Variants in PPP4R2 observed in about 807,000 individuals in gnomAD.
PPP4R2 encodes the protein protein phosphatase 4 regulatory subunit 2.
Under a neutral mutation model 47.2 loss-of-function variants are expected in PPP4R2, and 13 were observed. The observed-to-expected ratio is 0.28, with a 90% CI of 0.18 to 0.44. PPP4R2 has a LOEUF of 0.44. PPP4R2 is among the 20% of genes least tolerant of loss of function. The pLI, the probability that PPP4R2 is intolerant of heterozygous loss-of-function variation, is 1.00. For missense variants in PPP4R2, 421 were observed against 491.2 expected, an observed-to-expected ratio of 0.86 and a Z score of 1.35; for synonymous variants, 151 against 163.3, an observed-to-expected ratio of 0.92 and a Z score of 0.57.
chr3:73,028,558 A>T (rs1267137401), intron 2 of PPP4R2, among the ~76,000 whole-genome samples: 1 of 151,972 alleles, frequency 6.6e-6, no homozygotes, highest in Non-Finnish European at 1.5e-5. Flanking sequence ...CCCCTGCCTC[A>T]GCCTCCCGAG....
chr3:73,013,397 T>C (rs931532152), intron 2 of PPP4R2, among the ~76,000 whole-genome samples: 1 of 152,216 alleles, frequency 6.6e-6, no homozygotes, highest in African/African-American at 2.4e-5. Context: ...ATTAGGTAAT[T>C]CTTGTGCCTA....
At position 73,068,176 on chromosome 3, in the gene PPP4R2, T is replaced by A. The variant is rs905372547; in HGVS notation, c.*2454T>A. 1 of 152,114 alleles carries A rather than the reference T, an allele frequency of 6.6e-6. No individual in the cohort carries two copies. The highest frequency in any genetic ancestry group is 1.5e-5 in the Non-Finnish European group (1 of 68,008). The allele number at this position is 152,114 out of a possible 1,614,324, so 9.4% of individuals were successfully genotyped here. On this transcript the variant is annotated 3_prime_UTR_variant, in exon 9 of 9. Coordinates refer to ENST00000356692, the MANE Select transcript of PPP4R2 (RefSeq NM_174907.4). ...CAGTTCTAATAGTAACTGATTCACT[T>A]CTGAACAGAAGTGATTTTAGGCATA...
At chr3:73,063,885 G>C (rs1702926971) in intron 6 of PPP4R2, 118 bp from the exon 7 acceptor site, 2 of 1,145,946 alleles carry the variant, frequency 1.7e-6, no homozygotes, top group Non-Finnish European at 2.5e-6. Flanking sequence ...ATTTGGTAAG[G>C]CATGGGCCTG....
intron 2 of PPP4R2, among the ~76,000 whole-genome samples, chr3:73,033,079 C>G (rs1287184040): frequency 5.9e-5 from 9 of 152,080 alleles, no homozygotes. Context: ...GTTGGAGTCT[C>G]AGTATTCTAG....
chr3:73,057,717 A>C (rs549067676), intron 3 of PPP4R2, among the ~76,000 whole-genome samples: 30 of 152,132 alleles, frequency 2.0e-4, no homozygotes, highest in Non-Finnish European at 2.9e-4. Context: ...ATGAGAACCA[A>C]ATGTAGTTTA....
chr3:73,027,605 T>G (rs1419932872), intron 2 of PPP4R2, among the ~76,000 whole-genome samples: 1 of 152,108 alleles, frequency 6.6e-6, no homozygotes, highest in African/African-American at 2.4e-5. Flanking sequence ...TGCCTACTAT[T>G]TGCCAGACTT....
chr3:73,050,040 A>G (rs1047457366), intron 3 of PPP4R2, among the ~76,000 whole-genome samples: 1 of 152,092 alleles, frequency 6.6e-6, no homozygotes, highest in Non-Finnish European at 1.5e-5. Flanking sequence ...TCCCAAGTTC[A>G]AGCTATTCTC....
At chr3:73,022,899 C>T (rs1701988509) in intron 2 of PPP4R2, among the ~76,000 whole-genome samples, 3 of 151,720 alleles carry the variant, frequency 2.0e-5, no homozygotes, top group Admixed American at 2.0e-4. Flanking sequence ...GAGACATTCA[C>T]TCTTGAAGGA....
rs969341064 is a variant in PPP4R2, at chr3:73,064,063, A to G, written c.555A>G (p.Ser185=). 2 of 1,613,468 alleles carry G rather than the reference A, an allele frequency of 1.2e-6. No individual in the cohort carries two copies. The highest frequency in any genetic ancestry group is 1.7e-6 in the Non-Finnish European group (2 of 1,179,752). ...TTAATCGACCAAAGGTTTCTTTGTC[A>G]GCCCCCATGACAACAAATGGGTTGC... ...RPLNRPKVSL[S]APMTTNGLPE... The change falls in exon 7 of 9, where the codon TCA becomes TCG. Residue 185 remains serine (S), a synonymous_variant. Transcript: ENST00000356692.
chr3:73,062,921 A>G, intron 5 of PPP4R2: 1 of 1,591,840 alleles, frequency 6.3e-7, no homozygotes, highest in East Asian at 2.2e-5. Flanking sequence ...AGCACAGATG[A>G]CAACCTATTA....
chr3:73,038,081 T>C (rs994551897), intron 2 of PPP4R2, among the ~76,000 whole-genome samples: 3 of 152,120 alleles, frequency 2.0e-5, no homozygotes, highest in Non-Finnish European at 4.4e-5. Context: ...GGTGAAGGGA[T>C]AGATCAGTCC....
chr3:73,007,122 C>T (rs1701625218), intron 2 of PPP4R2, among the ~76,000 whole-genome samples: 1 of 152,238 alleles, frequency 6.6e-6, no homozygotes. Context: ...TGTTAAGTCA[C>T]TTCCCTCATT....
intron 2 of PPP4R2, among the ~76,000 whole-genome samples, chr3:73,033,278 T>C (rs922648041): frequency 5.3e-5 from 8 of 152,340 alleles, no homozygotes; most frequent in Non-Finnish European, 1.2e-4. Context: ...ATTTTTTCAT[T>C]GCTTTCTTTG....
rs527825799 is a variant in PPP4R2 at position 73,045,948 on chromosome 3, C to T, written c.117-1238C>T. Among the ~76,000 whole-genome samples the T allele has an allele frequency of 4.9e-4, 75 of 152,260 alleles. 1 individual carries two copies. The South Asian group carries it at 0.015, about 31-fold the overall frequency. Reference sequence around the variant, plus strand: ...AATCTCATACCTCTTTGATATGCAGCATAATTTTTTTAATACCTGTTTCTC... The same window carrying T: ...AATCTCATACCTCTTTGATATGCAGTATAATTTTTTTAATACCTGTTTCTC... On this transcript the variant is annotated intron_variant, in intron 2 of 8. Coordinates refer to ENST00000356692, the MANE Select transcript of PPP4R2 (RefSeq NM_174907.4).
chr3:73,056,764 A>G (rs1042754396), intron 3 of PPP4R2, among the ~76,000 whole-genome samples: 1 of 152,220 alleles, frequency 6.6e-6, no homozygotes, highest in Non-Finnish European at 1.5e-5. Flanking sequence ...ATTGGCTACA[A>G]TTTAACTTAC....
intron 2 of PPP4R2, among the ~76,000 whole-genome samples, chr3:73,005,571 G>A (rs182910118): frequency 1.6e-4 from 24 of 151,954 alleles, no homozygotes; most frequent in African/African-American, 5.8e-4. Context: ...GTTACGGGCC[G>A]GGTGCGGTGG....
Position 73,059,023 on chromosome 3 carries a change from A to G in PPP4R2, c.288-14A>G. On this transcript the variant is annotated splice_polypyrimidine_tract_variant and intron_variant, in intron 3 of 8. Coordinates refer to ENST00000356692, the MANE Select transcript of PPP4R2 (RefSeq NM_174907.4). ...ATCAGTGATCTCACACTGTAAAATTATATTTTTTTGCAGTATCCCTTTTAC... is the reference window on the plus strand; with the variant it reads ...ATCAGTGATCTCACACTGTAAAATTGTATTTTTTTGCAGTATCCCTTTTAC... 2.7e-6 allele frequency: 4 copies of G among 1,486,322 alleles called. No homozygotes were observed. Among genetic ancestry groups the G allele is most frequent in the South Asian group, 1.2e-5 (1 of 83,946 alleles). The allele number at this position is 1,486,322 out of a possible 1,614,324, so 92.1% of individuals were successfully genotyped here.
At chr3:73,027,649 G>A (rs563605511) in intron 2 of PPP4R2, among the ~76,000 whole-genome samples, 2 of 140,684 alleles carry the variant, frequency 1.4e-5, no homozygotes, top group East Asian at 4.3e-4. Flanking sequence ...TAAATTCTTG[G>A]TACTTGTGAG....
intron 2 of PPP4R2, among the ~76,000 whole-genome samples, chr3:73,019,617 G>C (rs1701919294): frequency 6.6e-6 from 1 of 152,144 alleles, no homozygotes; most frequent in Non-Finnish European, 1.5e-5. Flanking sequence ...CAGATGATCT[G>C]CTCCCTTTGG....
Sources: allele counts gnomAD v4.1 joint callset (sites outside exome capture counted in the v4.1 genomes callset), GRCh38; gene constraint gnomAD v4.1.1; transcripts MANE v1.5; gene names NCBI Gene and HGNC (gene_info 2026-07-23, HGNC 2026-07-21).